SGCZ: variants seen among roughly 807,000 people sequenced by gnomAD.
The protein encoded by SGCZ is zeta-sarcoglycan.
Under a neutral mutation model 41.3 loss-of-function variants are expected in SGCZ, and 40 were observed. The ratio of observed to expected loss-of-function variants is 0.97; its 90% confidence interval spans 0.75 to 1.26. The LOEUF (loss-of-function observed/expected upper bound fraction) is 1.26. Ranked by LOEUF, SGCZ falls within the 50% of genes most tolerant of loss-of-function variation. SGCZ has a pLI of 0.00. For synonymous variants in SGCZ, 206 were observed against 137.5 expected (o/e 1.50, Z -3.49); for missense variants, 552 against 369.8 (o/e 1.49, Z -4.04).
At chr8:14,255,272 A>T (rs948095800) in intron 3 of SGCZ, among the ~76,000 whole-genome samples, 2 of 152,158 alleles carry the variant, frequency 1.3e-5, no homozygotes, top group African/African-American at 4.8e-5. Flanking sequence ...ATTTCCTGAT[A>T]CTTTGAACTC....
rs141060392 is a variant in SGCZ at position 15,141,869 on chromosome 8, C to A, written c.39+95716G>T. ...TGAGCCAAGATCACGCCACTGCACT[C>A]CAGCATGGCAACAGTGTGAGACTCT... On this transcript the variant is annotated intron_variant, in intron 1 of 7. Coordinates refer to ENST00000382080, the MANE Select transcript of SGCZ (RefSeq NM_139167.4). 2.1e-4 allele frequency among the ~76,000 whole-genome samples: 32 copies of A among 150,018 alleles called. No individual in the cohort carries two copies. In the East Asian group the frequency reaches 6.2e-3, roughly 29 times the overall value.
intron 1 of SGCZ, among the ~76,000 whole-genome samples, chr8:15,178,362 TTCAAAACC>T: frequency 6.6e-6 from 1 of 152,054 alleles, no homozygotes; most frequent in Non-Finnish European, 1.5e-5. Flanking sequence ...GAGATCTGAG[TTCAAAACC>T]AAATTCTCCC....
In SGCZ at chr8:14,674,324, G is replaced by T. The variant is rs573933461; in HGVS notation, c.40-119398C>A. ...ACTATTTCTTTTCTTTTAGTTAAAA[G>T]ATAAGAGTAAAAATGTGTGGGAAAC... On this transcript the variant is annotated intron_variant, in intron 1 of 7. Transcript: ENST00000382080. Among the ~76,000 whole-genome samples, 33 of 151,910 alleles carry T rather than the reference G, an allele frequency of 2.2e-4. No individual in the cohort carries two copies. In the East Asian group the frequency reaches 5.8e-3, roughly 27 times the overall value.
At chr8:14,692,762 A>G (rs951487936) in intron 1 of SGCZ, among the ~76,000 whole-genome samples, 2 of 152,212 alleles carry the variant, frequency 1.3e-5, no homozygotes, top group Non-Finnish European at 2.9e-5. Context: ...CCTAAATTGT[A>G]TCTTTCGGAG....
chr8:15,055,041 C>G (rs560992888), intron 1 of SGCZ, among the ~76,000 whole-genome samples: 1 of 151,980 alleles, frequency 6.6e-6, no homozygotes, highest in African/African-American at 2.4e-5. Flanking sequence ...TTCTCTTACA[C>G]CTCCTAAGTA....
chr8:15,233,776 G>A (rs1193111122), intron 1 of SGCZ, among the ~76,000 whole-genome samples: 5 of 152,048 alleles, frequency 3.3e-5, no homozygotes, highest in East Asian at 1.9e-4. Context: ...GAAGCATACC[G>A]TTCATGTTCT....
chr8:15,184,366 GA>G (rs1800269987), intron 1 of SGCZ, among the ~76,000 whole-genome samples: 1 of 152,124 alleles, frequency 6.6e-6, no homozygotes, highest in African/African-American at 2.4e-5. Flanking sequence ...ACACCGATTT[GA>G]AAAACTGAAA....
At chr8:14,713,250 A>C (rs1004196085) in intron 1 of SGCZ, among the ~76,000 whole-genome samples, 1 of 152,244 alleles carries the variant, frequency 6.6e-6, no homozygotes, top group Non-Finnish European at 1.5e-5. Context: ...TATCAAAGTT[A>C]GACAAATTAA....
chr8:14,990,598 G>A (rs1418649454), intron 1 of SGCZ, among the ~76,000 whole-genome samples: 18 of 152,024 alleles, frequency 1.2e-4, no homozygotes, highest in Admixed American at 1.2e-3. Flanking sequence ...ATCACCCCTA[G>A]ATGAGACCAT....
chr8:14,879,356 A>T (rs75708535), intron 1 of SGCZ: 7,576 of 152,188 alleles, frequency 0.05, 224 homozygotes, highest in Non-Finnish European at 0.062. Flanking sequence ...ACAGACAAAT[A>T]AAAAAAGACC....
At chr8:14,691,770 C>A (rs1241834568) in intron 1 of SGCZ, among the ~76,000 whole-genome samples, 1 of 151,722 alleles carries the variant, frequency 6.6e-6, no homozygotes, top group African/African-American at 2.4e-5. Context: ...CAATAATGAA[C>A]CAATCAAAAA....
chr8:14,519,794 T>G (rs367867686), intron 2 of SGCZ, among the ~76,000 whole-genome samples: 10 of 152,278 alleles, frequency 6.6e-5, no homozygotes, highest in East Asian at 3.9e-4. Context: ...AAATGTTATT[T>G]CATTGTTACA....
intron 5 of SGCZ, among the ~76,000 whole-genome samples, chr8:14,145,413 T>A (rs1803490969): frequency 6.6e-6 from 1 of 152,106 alleles, no homozygotes; most frequent in South Asian, 2.1e-4. Flanking sequence ...CAGATACAGG[T>A]TAGATCACAA....
intron 3 of SGCZ, among the ~76,000 whole-genome samples, chr8:14,318,329 T>C (rs1194359437): frequency 6.6e-6 from 1 of 151,816 alleles, no homozygotes. Flanking sequence ...TTTACAAATC[T>C]CCCTCACGCT....
chr8:14,501,380 C>G (rs1563370494), intron 2 of SGCZ, among the ~76,000 whole-genome samples: 1 of 151,666 alleles, frequency 6.6e-6, no homozygotes, highest in Non-Finnish European at 1.5e-5. Context: ...CTGGGGAAGT[C>G]GATACAGGAG....
At chr8:14,217,043 T>G (rs2117109908) in intron 4 of SGCZ, among the ~76,000 whole-genome samples, 1 of 152,200 alleles carries the variant, frequency 6.6e-6, no homozygotes, top group South Asian at 2.1e-4. Context: ...ATCCCAGCAC[T>G]TTGGGAGGCC....
intron 1 of SGCZ, among the ~76,000 whole-genome samples, chr8:14,630,897 G>A (rs62493098): frequency 0.028 from 4,218 of 150,438 alleles, 89 homozygotes; most frequent in Non-Finnish European, 0.045. Context: ...GAGAGGGATA[G>A]CATTAGGAGA....
chr8:14,482,841 A>T (rs1163157689), intron 2 of SGCZ, among the ~76,000 whole-genome samples: 1 of 151,890 alleles, frequency 6.6e-6, no homozygotes, highest in Non-Finnish European at 1.5e-5. Flanking sequence ...TACCATTGTC[A>T]CTTCTCATTC....
intron 1 of SGCZ, among the ~76,000 whole-genome samples, chr8:14,847,985 G>A (rs1457283724): frequency 6.6e-6 from 1 of 151,834 alleles, no homozygotes; most frequent in Non-Finnish European, 1.5e-5. Context: ...CATCCATGTA[G>A]AAAATTAAAT....
Sources: gnomAD v4.1 joint callset for allele counts (sites outside exome capture counted in the v4.1 genomes callset) on GRCh38, gnomAD v4.1.1 for gene constraint, MANE v1.5 for transcripts, NCBI Gene and HGNC (gene_info 2026-07-23, HGNC 2026-07-21) for gene names.